The following TTN variants were observed in gnomAD, a reference collection of about 807,000 sequenced individuals.
TTN encodes the protein titin.
TTN carries 1,525 observed loss-of-function variants against 3,223.0 expected under a neutral mutation model. The observed-to-expected ratio is 0.47, with a 90% CI of 0.45 to 0.49. TTN has a LOEUF of 0.49. Ranked by LOEUF, TTN falls within the 20% of genes least tolerant of loss-of-function variation. TTN has a pLI of 0.00. For synonymous variants in TTN, 14,094 were observed against 15,161.0 expected (o/e 0.93, Z 5.17); for missense variants, 40,786 against 43,424.0 (o/e 0.94, Z 5.40).
intron 139 of TTN, 77 bp from the exon 140 acceptor site, chr2:178,680,132 A>T (rs2069019125): frequency 5.7e-6 from 9 of 1,584,912 alleles, no homozygotes; most frequent in Non-Finnish European, 7.7e-6. Flanking sequence ...ACACAGGCCC[A>T]TTTATAACAG....
In TTN at chr2:178,545,553, G is replaced by A. The variant is rs727503542; in HGVS notation, c.95557C>T (p.Arg31853Cys). 61 of 1,613,684 alleles carry A rather than the reference G, an allele frequency of 3.8e-5. No homozygotes were observed. Among genetic ancestry groups the A allele is most frequent in the African/African-American group, 6.7e-5 (5 of 75,016 alleles). ...TAGTCTTTGTTGACACGTGTCCAGC[G>A]CAGGCTCTTCTTCTCACGTTTGTCT... Reference protein sequence around the residue: ...LVDKREKKSLRWTRVNKDYVV... With the variant: ...LVDKREKKSLCWTRVNKDYVV... The change falls in exon 344 of 363, where the codon CGC becomes TGC. Residue 31853 changes from arginine to cysteine, a missense_variant. Physicochemically the swap from Arg to Cys is radical, Grantham distance 180. Transcript: ENST00000589042.
Position 178,594,350 on chromosome 2 carries a change from C to T in TTN, c.58144G>A (p.Glu19382Lys). The T allele has an allele frequency of 1.3e-6, 2 of 1,592,566 alleles. No homozygotes were observed. The highest frequency in any genetic ancestry group is 1.7e-6 in the Non-Finnish European group (2 of 1,170,258). Residue 19382 changes from glutamate (E) to lysine (K), a missense_variant, in exon 296 of 363, where the codon GAG becomes AAG. Physicochemically the swap from Glu to Lys is moderately conservative, Grantham distance 56 (BLOSUM62 1). Coordinates refer to ENST00000589042, the MANE Select transcript of TTN (RefSeq NM_001267550.2). Reference sequence around the variant, plus strand: ...AATTGTAGTAGACACATACCCAGCTCATCCTTGCAAGTAATTGGTTTGGTG... The same window carrying T: ...AATTGTAGTAGACACATACCCAGCTTATCCTTGCAAGTAATTGGTTTGGTG... ...FCTKPITCKD[E>K]LAPPTLHLDF... is the part of the protein sequence containing the mutation.
rs902259785 is a variant in TTN at position 178,650,147 on chromosome 2, TG to T, written c.39817+16del. ...GAAATGACTGTATTTTCCCATACAG[TG>T]GATTCTGCTTTGTACCTGCTGGAGG... On this transcript the variant is annotated intron_variant, in intron 210 of 362. Coordinates refer to ENST00000589042, the MANE Select transcript of TTN (RefSeq NM_001267550.2). 4.5e-6 allele frequency: 7 copies of T among 1,556,534 alleles called. No individual in the cohort carries two copies. Among genetic ancestry groups the T allele is most frequent in the Non-Finnish European group, 6.1e-6 (7 of 1,149,256 alleles).
Position 178,564,668 on chromosome 2 carries a change from A to G in TTN, c.81464T>C (p.Ile27155Thr), listed in dbSNP as rs397517720. The G allele has an allele frequency of 4.5e-5, 72 of 1,613,426 alleles. No homozygotes were observed. The highest frequency in any genetic ancestry group is 4.4e-4 in the African/African-American group (33 of 74,908). The stretch of plus-strand genomic sequence containing the variant: ...TTCTGACACTTTGCTAGGCTTGCCA[A>G]TGCCAACAATATTTTCAGCAGAAAC... ...FKVSAENIVG[I>T]GKPSKVSECF... Residue 27155 changes from isoleucine to threonine, a missense_variant, in exon 326 of 363, where the codon ATT becomes ACT. Physicochemically the swap from Ile to Thr is moderately conservative, Grantham distance 89. Transcript: ENST00000589042.
In TTN at chr2:178,594,596, T is replaced by C. The variant is rs1303630569; in HGVS notation, c.57898A>G (p.Thr19300Ala). The part of the protein sequence containing the change: ...DLEVKEVTKN[T>A]VTLTWNPPKY... ...GGAGGATTCCAAGTCAAAGTTACAG[T>C]ATTTTTAGTAACTTCTTTGACTTCC... The change falls in exon 296 of 363, where the codon ACT (threonine) becomes GCT (alanine). Residue 19300 changes from threonine (T) to alanine (A), a missense_variant. Physicochemically the swap from Thr to Ala is moderately conservative, Grantham distance 58. Coordinates refer to ENST00000589042, the MANE Select transcript of TTN (RefSeq NM_001267550.2). 1.9e-6 allele frequency: 3 copies of C among 1,612,564 alleles called. No individual in the cohort carries two copies. The South Asian group carries it at 3.3e-5, about 18-fold the overall frequency.
Position 178,714,455 on chromosome 2 carries a change from C to A in TTN, c.26319G>T (p.Lys8773Asn). ...EPISVVWFKD[K>N]GEIVRESDNI... ...TGTCACTTTCTCTAACGATTTCTCCCTTATCTTTGAACCACACCACTGAAA... is the reference window on the plus strand; with the variant it reads ...TGTCACTTTCTCTAACGATTTCTCCATTATCTTTGAACCACACCACTGAAA... The change falls in exon 91 of 363, where the codon AAG (lysine) becomes AAT (asparagine). Residue 8773 changes from lysine (K) to asparagine (N), a missense_variant. Physicochemically the swap from Lys to Asn is moderately conservative, Grantham distance 94. Transcript: ENST00000589042. 3.1e-6 allele frequency: 5 copies of A among 1,613,564 alleles called. No homozygotes were observed. Among genetic ancestry groups the A allele is most frequent in the Non-Finnish European group, 4.2e-6 (5 of 1,179,678 alleles).
At position 178,733,541 on chromosome 2, in the gene TTN, C is replaced by T; in HGVS notation, c.15776-24G>A. ...TTCTACAATGGTATGAAATAGTTAG[C>T]ACCCTAAATGCTTGTTAGGGTTTCA... is the stretch of plus-strand genomic sequence containing the variant. On this transcript the variant is annotated intron_variant, in intron 53 of 362. Coordinates refer to ENST00000589042, the MANE Select transcript of TTN (RefSeq NM_001267550.2). The T allele has an allele frequency of 1.9e-6, 3 of 1,602,000 alleles. No individual in the cohort carries two copies. In the South Asian group the frequency reaches 3.3e-5, roughly 18 times the overall value.
At position 178,734,853 on chromosome 2, in the gene TTN, T is replaced by G; in HGVS notation, c.15071A>C (p.Glu5024Ala). ...TWFKNNKELS[E>A]SNTVRMYFVN... Reference sequence around the variant, plus strand: ...AAAATACATTCGGACTGTGTTACTTTCACTGAGTTCTTTGTTATTTTTAAA... The same window carrying G: ...AAAATACATTCGGACTGTGTTACTTGCACTGAGTTCTTTGTTATTTTTAAA... The change falls in exon 51 of 363, where the codon GAA becomes GCA. Residue 5024 changes from glutamate to alanine, a missense_variant. Coordinates refer to ENST00000589042, the MANE Select transcript of TTN (RefSeq NM_001267550.2). The G allele has an allele frequency of 6.2e-7, 1 of 1,613,778 alleles. No homozygotes were observed.
At position 178,565,251 on chromosome 2, in the gene TTN, C is replaced by T. The variant is rs779484612; in HGVS notation, c.80881G>A (p.Ala26961Thr). ...TVTATNSAGTATENLSVIVLE... is the reference protein window; with the variant it reads ...TVTATNSAGTTTENLSVIVLE... ...ACGATAACACTGAGATTTTCTGTTG[C>T]TGTGCCTGCACTATTTGTTGCCGTT... Residue 26961 changes from alanine to threonine, a missense_variant, in exon 326 of 363, where the codon GCA becomes ACA. By Grantham distance (58) the Ala-to-Thr change is moderately conservative. Transcript: ENST00000589042. The T allele has an allele frequency of 6.2e-6, 10 of 1,613,514 alleles. No individual in the cohort carries two copies. The highest frequency in any genetic ancestry group is 1.6e-4 in the Middle Eastern group (1 of 6,078).
Position 178,527,075 on chromosome 2 carries a change from CAG to C in TTN, c.107911_107912del (p.Leu35971GlufsTer5), listed in dbSNP as rs2154129791. 6.2e-7 allele frequency: 1 copy of C among 1,613,904 alleles called. No homozygotes were observed. Among genetic ancestry groups the C allele is most frequent in the Admixed American group, 1.7e-5 (1 of 60,026 alleles). ...VQKQDGGLYTLSLGNEFGSDS... is the reference protein window; with the variant it reads ...VQKQDGGLYTXSLGNEFGSDS... Reference sequence around the variant, plus strand: ...CAGATCCAAATTCATTCCCTAAACTCAGGGTATAAAGTCCACCATCTTGTTTC... The same window carrying C: ...CAGATCCAAATTCATTCCCTAAACTCGGTATAAAGTCCACCATCTTGTTTC... On this transcript the variant is annotated frameshift_variant, in exon 363 of 363. Transcript: ENST00000589042. LOFTEE classifies it high-confidence loss of function.
At chr2:178,621,067 C>T in intron 246 of TTN, 35 bp downstream of exon 246, 1 of 1,605,910 alleles carries the variant, frequency 6.2e-7, no homozygotes, top group Non-Finnish European at 8.5e-7. Context: ...AACAAACAAA[C>T]AAACAAAAAA....
chr2:178,590,957 A>G lies in TTN; in HGVS notation c.60768T>C (p.Pro20256=). ...VRAENKIGVG[P]PLDSTPTVAK... is the part of the protein sequence containing the mutation. ...CAACAGTAGGTGTGGAGTCAAGGGG[A>G]GGACCAACACCTATCTTATTCTCTG... The change falls in exon 304 of 363, where the codon CCT becomes CCC. Residue 20256 remains proline (P), a synonymous_variant. Transcript: ENST00000589042. 1.2e-6 allele frequency: 2 copies of G among 1,613,410 alleles called. No individual in the cohort carries two copies. The highest frequency in any genetic ancestry group is 1.1e-5 in the South Asian group (1 of 91,054).
chr2:178,693,857 A>C, intron 118 of TTN, 65 bp downstream of exon 118: 1 of 1,431,154 alleles, frequency 7.0e-7, no homozygotes, highest in Non-Finnish European at 9.8e-7. Context: ...ATTAGACAAC[A>C]AGAGGGATAA....
At position 178,782,225 on chromosome 2, in the gene TTN, T is replaced by C; in HGVS notation, c.3367A>G (p.Thr1123Ala). 1 of 1,614,124 alleles carries C rather than the reference T, an allele frequency of 6.2e-7. No homozygotes were observed. The highest frequency in any genetic ancestry group is 1.1e-5 in the South Asian group (1 of 91,084). Residue 1123 changes from threonine (T) to alanine (A), a missense_variant, in exon 20 of 363, where the codon ACC becomes GCC. Thr to Ala is a moderately conservative substitution (Grantham distance 58). Coordinates refer to ENST00000589042, the MANE Select transcript of TTN (RefSeq NM_001267550.2). ...VYWKKSGVPL[T>A]TGYRYKVSYN... ...CCATCAAAATACCTGTATCCAGTGG[T>C]TAGAGGAACACCAGATTTTTTCCAG...
In TTN at chr2:178,706,490, T is replaced by C; in HGVS notation, c.29384A>G (p.Glu9795Gly). 6.2e-7 allele frequency: 1 copy of C among 1,613,734 alleles called. No individual in the cohort carries two copies. ...TGCTCTAAGATCGCCTTCAATTTTC[T>C]CTTGTTTCTTCCTTTCATCCACCTG... Reference protein sequence around the residue: ...NLQVDERKKQEKIEGDLRAML... With the variant: ...NLQVDERKKQGKIEGDLRAML... Residue 9795 changes from glutamate to glycine, a missense_variant, in exon 102 of 363, where the codon GAG (glutamate) becomes GGG (glycine). Physicochemically the swap from Glu to Gly is moderately conservative, Grantham distance 98. Transcript: ENST00000589042.
In TTN at chr2:178,765,272, G is replaced by A. The variant is rs1435794521; in HGVS notation, c.9704-461C>T. ...CATAGTCATTTTGTTATGTACCAGT[G>A]CCAGTAAAATGCAATCAGTAAGTAT... On this transcript the variant is annotated intron_variant, in intron 41 of 362. Transcript: ENST00000589042. Among the ~76,000 whole-genome samples the A allele has an allele frequency of 2.6e-5, 4 of 152,130 alleles. No individual in the cohort carries two copies. In the South Asian group the frequency reaches 6.2e-4, roughly 24 times the overall value.
intron 41 of TTN, among the ~76,000 whole-genome samples, chr2:178,765,211 C>T (rs1196268902): frequency 1.3e-5 from 2 of 152,078 alleles, no homozygotes; most frequent in Non-Finnish European, 2.9e-5. Flanking sequence ...TCATATCATT[C>T]CAGTTTGTTT....
In TTN at chr2:178,568,830, G is replaced by T. The variant is rs541266544; in HGVS notation, c.77302C>A (p.Leu25768Ile). Residue 25768 changes from leucine (L) to isoleucine (I), a missense_variant, in exon 326 of 363, where the codon CTT becomes ATT. Transcript: ENST00000589042. ...TCATTTACAGCAACAACTCTAAAAAGATATTCTTCCCCTTGAGTTAGGTTG... is the reference window on the plus strand; with the variant it reads ...TCATTTACAGCAACAACTCTAAAAATATATTCTTCCCCTTGAGTTAGGTTG... ...ITNLTQGEEY[L>I]FRVVAVNEKG... 99 of 1,613,174 alleles carry T rather than the reference G, an allele frequency of 6.1e-5. 2 individuals carry two copies. The South Asian group carries it at 1.0e-3, about 17-fold the overall frequency.
chr2:178,717,032 C>T lies in TTN; in HGVS notation c.25639+63G>A. On this transcript the variant is annotated intron_variant, in intron 88 of 362. Transcript: ENST00000589042. ...ATAGCTCTCTCTCAAGCACACCCAC[C>T]CTCCTATATTTTAAGATACTGAAAA... The T allele has an allele frequency of 3.3e-6, 5 of 1,519,538 alleles. No homozygotes were observed. The South Asian group carries it at 5.4e-5, about 16-fold the overall frequency. The allele number at this position is 1,519,538 out of a possible 1,614,324, so 94.1% of individuals were successfully genotyped here.
Sources: allele counts gnomAD v4.1 joint callset (sites outside exome capture counted in the v4.1 genomes callset), GRCh38; gene constraint gnomAD v4.1.1; transcripts MANE v1.5; gene names NCBI Gene and HGNC (gene_info 2026-07-23, HGNC 2026-07-21).